Variants in ATP2C1 observed in about 807,000 individuals in gnomAD.
ATP2C1 encodes calcium-transporting ATPase type 2C member 1.
Under a neutral mutation model 120.5 loss-of-function variants are expected in ATP2C1, and 31 were observed. The ratio of observed to expected loss-of-function variants is 0.26; its 90% CI spans 0.19 to 0.35. ATP2C1 has a LOEUF of 0.35. Ranked by LOEUF, ATP2C1 falls within the 10% of genes least tolerant of loss-of-function variation. The pLI, the probability that ATP2C1 is intolerant of heterozygous loss-of-function variation, is 1.00. For missense variants in ATP2C1, 731 were observed against 1,107.5 expected, an observed-to-expected ratio of 0.66 and a Z score of 4.83; for synonymous variants, 351 against 358.7, an observed-to-expected ratio of 0.98 and a Z score of 0.24.
upstream of ATP2C1, among the ~76,000 whole-genome samples, chr3:130,893,008 A>G (rs1216122066): frequency 6.6e-6 from 1 of 152,220 alleles, no homozygotes; most frequent in Non-Finnish European, 1.5e-5. Context: ...CACATCTAGC[A>G]TATACGGAAA....
rs2108671277 is a variant in ATP2C1, at chr3:130,968,703, G to A, written c.1309-589G>A. 2.0e-5 allele frequency among the ~76,000 whole-genome samples: 3 copies of A among 152,246 alleles called. 1 individual carries two copies. The Middle Eastern group carries it at 0.01, about 518-fold the overall frequency. On this transcript the variant is annotated intron_variant, in intron 16 of 27. Coordinates refer to ENST00000510168, the MANE Select transcript of ATP2C1 (RefSeq NM_001378687.1). ...CCTGAACATGTTTCAGTAGAAAGTA[G>A]AAAGCAATACATGGTAGAATTTTGA... is the stretch of plus-strand genomic sequence containing the variant.
chr3:131,005,595 G>C (rs1380730440), downstream of ATP2C1, among the ~76,000 whole-genome samples: 1 of 152,194 alleles, frequency 6.6e-6, no homozygotes, highest in African/African-American at 2.4e-5. Flanking sequence ...TGGTGTCTTT[G>C]AGATTTCCCA....
intron 22 of ATP2C1, among the ~76,000 whole-genome samples, chr3:130,994,347 C>G (rs1419547048): frequency 6.6e-6 from 1 of 152,124 alleles, no homozygotes; most frequent in Non-Finnish European, 1.5e-5. Context: ...TCACCTTTTT[C>G]TGGGCACTAA....
At chr3:130,893,731 G>T (rs1283238392), upstream of ATP2C1, among the ~76,000 whole-genome samples, 1 of 152,200 alleles carries the variant, frequency 6.6e-6, no homozygotes, top group Non-Finnish European at 1.5e-5. Context: ...GGAATGCGTG[G>T]CCGACACGGG....
chr3:130,952,769 T>A (rs1004422591), intron 8 of ATP2C1, among the ~76,000 whole-genome samples: 2 of 152,184 alleles, frequency 1.3e-5, no homozygotes, highest in East Asian at 3.8e-4. Flanking sequence ...CTTGAATAAA[T>A]GCTTCTGGAA....
At chr3:130,859,722 A>G (rs1041014301) in intron 1 of ATP2C1, among the ~76,000 whole-genome samples, 1 of 152,076 alleles carries the variant, frequency 6.6e-6, no homozygotes, top group Non-Finnish European at 1.5e-5. Flanking sequence ...TTGATTTCTG[A>G]GCTATTTTTA....
At chr3:130,972,395 C>T (rs2061356456) in intron 17 of ATP2C1, among the ~76,000 whole-genome samples, 1 of 152,120 alleles carries the variant, frequency 6.6e-6, no homozygotes, top group African/African-American at 2.4e-5. Flanking sequence ...CATCTCATCA[C>T]CCTACAGCAA....
At position 130,859,866 on chromosome 3, in the gene ATP2C1, T is replaced by A. The variant is rs1027791413; in HGVS notation, c.108+8938T>A. Among the ~76,000 whole-genome samples the A allele has an allele frequency of 2.0e-5, 3 of 152,132 alleles. No individual in the cohort carries two copies. The East Asian group carries it at 5.9e-4, about 30-fold the overall frequency. Reference sequence around the variant, plus strand: ...TAAGCACATTATTAGAATAAGAAATTGAATTAGAAATCACAACAAATTACA... The same window carrying A: ...TAAGCACATTATTAGAATAAGAAATAGAATTAGAAATCACAACAAATTACA... On this transcript the variant is annotated intron_variant, in intron 1 of 26. Transcript: ENST00000504381.
chr3:130,882,481 G>A (rs1404510285), intron 1 of ATP2C1, among the ~76,000 whole-genome samples: 3 of 152,092 alleles, frequency 2.0e-5, no homozygotes, highest in African/African-American at 4.8e-5. Context: ...GATTACAGAC[G>A]TGAGCCACCA....
At chr3:130,884,122 G>A (rs1294601281) in intron 1 of ATP2C1, among the ~76,000 whole-genome samples, 1 of 151,396 alleles carries the variant, frequency 6.6e-6, no homozygotes, top group Non-Finnish European at 1.5e-5. Context: ...TGTACTTTTA[G>A]TAGAGAGGGG....
intron 1 of ATP2C1, among the ~76,000 whole-genome samples, chr3:130,879,758 T>C (rs1382290928): frequency 6.6e-6 from 1 of 152,250 alleles, no homozygotes; most frequent in African/African-American, 2.4e-5. Flanking sequence ...TGGCTTTCAT[T>C]CTGGGTGGGT....
chr3:130,909,117 A>G (rs2058271708), intron 2 of ATP2C1, among the ~76,000 whole-genome samples: 1 of 152,194 alleles, frequency 6.6e-6, no homozygotes, highest in South Asian at 2.1e-4. Flanking sequence ...GGTTCAGTGA[A>G]GAAGGTAACC....
intron 4 of ATP2C1, among the ~76,000 whole-genome samples, chr3:130,933,886 C>A (rs1335610037): frequency 6.6e-6 from 1 of 152,110 alleles, no homozygotes; most frequent in East Asian, 1.9e-4. Flanking sequence ...AGGGCTGGGG[C>A]TTTCTGGTGG....
chr3:130,943,507 G>A (rs755714190), intron 8 of ATP2C1, among the ~76,000 whole-genome samples: 2 of 152,124 alleles, frequency 1.3e-5, no homozygotes, highest in African/African-American at 2.4e-5. Context: ...GTGAGCCACC[G>A]CTCCTGGCCG....
downstream of ATP2C1, among the ~76,000 whole-genome samples, chr3:131,005,109 C>CTTTTTT (rs35129703): frequency 2.2e-5 from 2 of 92,636 alleles, no homozygotes; most frequent in African/African-American, 4.4e-5. Flanking sequence ...TTTGAATTGT[C>CTTTTTT]TTTTTTTTTT....
chr3:130,981,395 A>T (rs938952558), intron 20 of ATP2C1, among the ~76,000 whole-genome samples: 1 of 152,130 alleles, frequency 6.6e-6, no homozygotes, highest in African/African-American at 2.4e-5. Context: ...GTTGTTTTTT[A>T]AAGTAATATT....
intron 20 of ATP2C1, among the ~76,000 whole-genome samples, chr3:130,989,048 C>G (rs1422652663): frequency 1.3e-5 from 2 of 151,940 alleles, no homozygotes; most frequent in Non-Finnish European, 2.9e-5. Flanking sequence ...GTCAGGAGTT[C>G]AAGACCAGCC....
At chr3:130,979,876 G>A (rs928593668) in intron 19 of ATP2C1, among the ~76,000 whole-genome samples, 8 of 152,180 alleles carry the variant, frequency 5.3e-5, no homozygotes, top group Admixed American at 4.6e-4. Flanking sequence ...ACCGTAAGAA[G>A]TAGAATAAGA....
intron 2 of ATP2C1, among the ~76,000 whole-genome samples, chr3:130,923,141 C>T (rs1446242739): frequency 6.6e-6 from 1 of 151,900 alleles, no homozygotes; most frequent in Non-Finnish European, 1.5e-5. Flanking sequence ...TTGGGAGCTT[C>T]AATGTTAGGT....
Sources: allele counts gnomAD v4.1 joint callset (sites outside exome capture counted in the v4.1 genomes callset), GRCh38; gene constraint gnomAD v4.1.1; transcripts MANE v1.5; gene names NCBI Gene and HGNC (gene_info 2026-07-23, HGNC 2026-07-21).